NCK1: variants seen among roughly 807,000 people sequenced by gnomAD.
NCK1 encodes NCK adaptor protein 1, also known as SH2/SH3 adapter protein NCK1.
NCK1 carries 19 observed loss-of-function variants against 36.6 expected under a neutral mutation model. That is an observed-to-expected ratio of 0.52 (90% confidence interval 0.36 to 0.76). The LOEUF (loss-of-function observed/expected upper bound fraction) is 0.76, where lower values mean the gene tolerates loss of function less well. Ranked by LOEUF, NCK1 falls within the 30% of genes least tolerant of loss-of-function variation. The pLI is 0.00. For missense variants in NCK1, 358 were observed against 445.6 expected (o/e 0.80, Z 1.77); for synonymous variants, 165 against 156.0 (o/e 1.06, Z -0.43).
intron 2 of NCK1, among the ~76,000 whole-genome samples, chr3:136,939,223 A>C (rs1380190722): frequency 2.6e-5 from 4 of 151,972 alleles, no homozygotes; most frequent in Non-Finnish European, 4.4e-5. Flanking sequence ...TGTTTCTTGG[A>C]ATTGATGTTT....
At chr3:136,923,552 TCCGTCTC>T (rs1197879175) in intron 1 of NCK1, among the ~76,000 whole-genome samples, 1 of 109,044 alleles carries the variant, frequency 9.2e-6, no homozygotes, top group African/African-American at 3.9e-5. Flanking sequence ...AGTGCGAGAC[TCCGTCTC>T]AAATAAATAA....
chr3:136,938,518 A>G (rs1313927503), intron 2 of NCK1, among the ~76,000 whole-genome samples: 1 of 152,190 alleles, frequency 6.6e-6, no homozygotes, highest in Non-Finnish European at 1.5e-5. Context: ...CAGTCTATTT[A>G]GTACCACATT....
At chr3:136,935,090 C>T (rs556877280) in intron 2 of NCK1, among the ~76,000 whole-genome samples, 1 of 152,070 alleles carries the variant, frequency 6.6e-6, no homozygotes, top group East Asian at 1.9e-4. Flanking sequence ...TTAGTACTGA[C>T]AGGGTTTCGC....
intron 1 of NCK1, among the ~76,000 whole-genome samples, chr3:136,913,057 T>G (rs1435600416): frequency 6.6e-6 from 1 of 152,172 alleles, no homozygotes; most frequent in Non-Finnish European, 1.5e-5. Flanking sequence ...TGAACACCTT[T>G]AAGGTAGCTT....
At chr3:136,947,049 G>A (rs886366716) in intron 3 of NCK1, 1 of 152,076 alleles carries the variant, frequency 6.6e-6, no homozygotes, top group African/African-American at 2.4e-5. Flanking sequence ...TCTTGGCTTT[G>A]CGTGAGTATA....
rs370502348 is a variant in NCK1, at chr3:136,924,082, A to G, written c.-18-3902A>G. On this transcript the variant is annotated intron_variant, in intron 1 of 3. Transcript: ENST00000481752. Reference sequence around the variant, plus strand: ...GTGATCATCAGTGGCAGGTAAAACCATTGGGTAGAGGTTTGATGGGGGAAC... The same window carrying G: ...GTGATCATCAGTGGCAGGTAAAACCGTTGGGTAGAGGTTTGATGGGGGAAC... Among the ~76,000 whole-genome samples, 21 of 152,354 alleles carry G rather than the reference A, an allele frequency of 1.4e-4. No homozygotes were observed. The South Asian group carries it at 3.1e-3, about 23-fold the overall frequency.
intron 2 of NCK1, among the ~76,000 whole-genome samples, chr3:136,936,447 G>T (rs937550507): frequency 6.6e-6 from 1 of 152,166 alleles, no homozygotes; most frequent in Non-Finnish European, 1.5e-5. Flanking sequence ...GAACAGCGTT[G>T]TGATAAACAT....
intron 1 of NCK1, chr3:136,867,499 G>A (rs1381669940): frequency 7.1e-6 from 1 of 140,416 alleles, no homozygotes; most frequent in African/African-American, 2.6e-5. Context: ...TCCCACCTTG[G>A]CTTCTCAACG....
intron 1 of NCK1, among the ~76,000 whole-genome samples, chr3:136,870,220 T>C (rs918664420): frequency 1.3e-5 from 2 of 151,664 alleles, no homozygotes; most frequent in African/African-American, 4.8e-5. Context: ...TGCATGCCTG[T>C]AATCCCAGCT....
At chr3:136,920,358 A>G (rs913147450) in intron 1 of NCK1, among the ~76,000 whole-genome samples, 19 of 152,198 alleles carry the variant, frequency 1.2e-4, no homozygotes, top group African/African-American at 4.6e-4. Context: ...AAATAATGAC[A>G]AAGGCAAAAG....
rs1424036405 is a variant in NCK1, at chr3:136,900,888, G to C, written c.-18-27096G>C. ...AGTTTGACTTCCTCTTTTCTAATTT[G>C]GATGCCTTTTCTTTTTTTCCCTCTT... On this transcript the variant is annotated intron_variant, in intron 1 of 3. Coordinates refer to ENST00000481752, the MANE Select transcript of NCK1 (RefSeq NM_001291999.2). Among the ~76,000 whole-genome samples, 3 of 151,952 alleles carry C rather than the reference G, an allele frequency of 2.0e-5. No individual in the cohort carries two copies. The East Asian group carries it at 5.8e-4, about 29-fold the overall frequency.
At chr3:136,928,308 A>AGT in intron 2 of NCK1, 81 bp downstream of exon 2, 5 of 1,341,726 alleles carry the variant, frequency 3.7e-6, no homozygotes, top group Non-Finnish European at 5.1e-6. Flanking sequence ...TTCTGGCAGC[A>AGT]GTGTGCATAA....
intron 1 of NCK1, among the ~76,000 whole-genome samples, chr3:136,892,482 A>T (rs952779028): frequency 9.2e-5 from 14 of 152,158 alleles, no homozygotes; most frequent in Admixed American, 4.6e-4. Flanking sequence ...CAGGAAAGGG[A>T]TGTGATGCTG....
At chr3:136,937,751 C>T (rs9877089) in intron 2 of NCK1, among the ~76,000 whole-genome samples, 20,230 of 152,082 alleles carry the variant, frequency 0.13, 1,791 homozygotes, top group Non-Finnish European at 0.19. Flanking sequence ...TCATTGTTAA[C>T]GTATAGAAAT....
intron 1 of NCK1, among the ~76,000 whole-genome samples, chr3:136,923,382 C>T (rs1576979961): frequency 1.3e-5 from 2 of 151,914 alleles, no homozygotes; most frequent in South Asian, 2.1e-4. Context: ...AGTGAAACCC[C>T]GTCTCCACTA....
At chr3:136,942,966 G>A (rs1197991983) in intron 2 of NCK1, among the ~76,000 whole-genome samples, 1 of 152,186 alleles carries the variant, frequency 6.6e-6, no homozygotes, top group Non-Finnish European at 1.5e-5. Context: ...AATTGTTTAA[G>A]AATGAGATCT....
intron 1 of NCK1, among the ~76,000 whole-genome samples, chr3:136,872,992 G>A (rs1938669836): frequency 6.6e-6 from 1 of 152,258 alleles, no homozygotes; most frequent in South Asian, 2.1e-4. Context: ...TGCTAGGGCA[G>A]TGCAGAAGGG....
At chr3:136,944,619 G>C (rs1041405129) in intron 2 of NCK1, among the ~76,000 whole-genome samples, 1 of 152,168 alleles carries the variant, frequency 6.6e-6, no homozygotes. Flanking sequence ...CAAGGATGTC[G>C]AGAGTCCCAA....
At chr3:136,884,828 C>T (rs765097699) in intron 1 of NCK1, among the ~76,000 whole-genome samples, 11 of 151,622 alleles carry the variant, frequency 7.3e-5, no homozygotes, top group Non-Finnish European at 1.3e-4. Flanking sequence ...TCAAGGGATT[C>T]TCCTGCCTCA....
Sources: gnomAD v4.1 joint callset for allele counts (sites outside exome capture counted in the v4.1 genomes callset) on GRCh38, gnomAD v4.1.1 for gene constraint, MANE v1.5 for transcripts, NCBI Gene and HGNC (gene_info 2026-07-23, HGNC 2026-07-21) for gene names.